CLK1: variants seen among roughly 807,000 people sequenced by gnomAD.
CLK1 encodes CDC like kinase 1.
In CLK1, 40 loss-of-function variants were observed where a neutral mutation model predicts 60.9. That is an observed-to-expected ratio of 0.66 (90% CI 0.51 to 0.86). CLK1 has a LOEUF of 0.86. CLK1 is among the 40% of genes least tolerant of loss of function. The pLI, the probability that CLK1 is intolerant of heterozygous loss-of-function variation, is 0.00. For missense variants in CLK1, 563 were observed against 606.1 expected (o/e 0.93, Z 0.75); for synonymous variants, 203 against 184.4 (o/e 1.10, Z -0.82).
chr2:200,861,999 C>G, intron 1 of CLK1, 137 bp from the exon 2 acceptor site: 1 of 673,326 alleles, frequency 1.5e-6, no homozygotes, highest in South Asian at 1.9e-5. Context: ...TCTGAAATCA[C>G]TGATAAATCC....
intron 9 of CLK1, among the ~76,000 whole-genome samples, chr2:200,855,362 G>A (rs1006365219): frequency 6.6e-6 from 1 of 151,698 alleles, no homozygotes; most frequent in Non-Finnish European, 1.5e-5. Flanking sequence ...TCACGCTACA[G>A]GCATAATCCC....
At chr2:200,860,474 C>T (rs2039118462) in intron 3 of CLK1, 6 of 1,203,362 alleles carry the variant, frequency 5.0e-6, no homozygotes, top group Non-Finnish European at 6.2e-6. Context: ...GGCAACAAAA[C>T]ATAATACAAT....
intron 5 of CLK1, chr2:200,858,312 C>T (rs1016301492): frequency 1.8e-6 from 1 of 547,928 alleles, no homozygotes; most frequent in Non-Finnish European, 3.3e-6. Context: ...CAACTTCTTC[C>T]TATATGGTAC....
chr2:200,861,737 C>T lies in CLK1; in HGVS notation c.126G>A (p.Lys42=), dbSNP rs367983388. The change falls in exon 2 of 13, where the codon AAG becomes AAA. Residue 42 remains lysine (K), a synonymous_variant. Coordinates refer to ENST00000321356, the MANE Select transcript of CLK1 (RefSeq NM_004071.4). Reference sequence around the variant, plus strand: ...TTTTAGAGTGATTGTATTTGCAGCGCTTGTTCTCCTGGGCACTGCTATGTG... The same window carrying T: ...TTTTAGAGTGATTGTATTTGCAGCGTTTGTTCTCCTGGGCACTGCTATGTG... ...KRSHSSAQEN[K]RCKYNHSKMC... 5 of 1,613,994 alleles carry T rather than the reference C, an allele frequency of 3.1e-6. No individual in the cohort carries two copies. The highest frequency in any genetic ancestry group is 2.7e-5 in the African/African-American group (2 of 74,924).
At position 200,861,130 on chromosome 2, in the gene CLK1, G is replaced by A. The variant is rs150702562; in HGVS notation, c.390+108C>T. On this transcript the variant is annotated intron_variant, in intron 3 of 12. Coordinates refer to ENST00000321356, the MANE Select transcript of CLK1 (RefSeq NM_004071.4). ...AGAAAAAATCCTGCAGGTTAAAACT[G>A]AGATGATTTCATCTTAAAACTTTCT... 2.6e-4 allele frequency: 390 copies of A among 1,513,138 alleles called. 4 individuals are homozygous for A. In the East Asian group the frequency reaches 8.6e-3, roughly 34 times the overall value. The allele number at this position is 1,513,138 out of a possible 1,614,324, so 93.7% of individuals were successfully genotyped here.
chr2:200,859,396 G>GA (rs1212906850), intron 5 of CLK1, among the ~76,000 whole-genome samples: 3 of 151,954 alleles, frequency 2.0e-5, no homozygotes, highest in Non-Finnish European at 2.9e-5. Context: ...TATGGTGGGG[G>GA]AAAAAAATAT....
At chr2:200,864,322 G>C in intron 1 of CLK1, 1 of 1,427,744 alleles carries the variant, frequency 7.0e-7, no homozygotes, top group Non-Finnish European at 9.2e-7. Context: ...GAAGCTCCAA[G>C]AGGGCGGCCG....
rs545702098 is a variant in CLK1 at position 200,854,905 on chromosome 2, CAATT to C, written c.1140+95_1140+98del. Reference sequence around the variant, plus strand: ...GAATTAGTTTATTTATGCTTATCTACAATTAATAGTCTATAATGGGGGAAGCAAA... The same window carrying C: ...GAATTAGTTTATTTATGCTTATCTACAATAGTCTATAATGGGGGAAGCAAA... On this transcript the variant is annotated intron_variant, in intron 10 of 12. Coordinates refer to ENST00000321356, the MANE Select transcript of CLK1 (RefSeq NM_004071.4). 57 of 904,762 alleles carry C rather than the reference CAATT, an allele frequency of 6.3e-5. No homozygotes were observed. The African/African-American group carries it at 6.6e-4, about 10-fold the overall frequency. 56.0% of individuals were successfully genotyped at this position (904,762 alleles called of 1,614,324 possible). A position where few individuals can be genotyped will look rare whatever the true frequency, so the allele number is the denominator to read the frequency against.
At chr2:200,860,600 A>T (rs2039121321) in intron 3 of CLK1, 1 of 999,258 alleles carries the variant, frequency 1.0e-6, no homozygotes. Context: ...TTTACTTGTC[A>T]AAGTAGGCGG....
intron 1 of CLK1, among the ~76,000 whole-genome samples, chr2:200,862,589 C>T (rs565203955): frequency 1.3e-5 from 2 of 152,340 alleles, no homozygotes; most frequent in East Asian, 3.9e-4. Context: ...CTTTTTCTGA[C>T]TCAGCCCGCC....
chr2:200,857,225 G>C, intron 7 of CLK1: 1 of 481,212 alleles, frequency 2.1e-6, no homozygotes, highest in Non-Finnish European at 3.8e-6. Flanking sequence ...AGAATCACTT[G>C]AACTGGGGAG....
rs756960566 is a variant in CLK1 at position 200,858,071 on chromosome 2, T to G, written c.567A>C (p.Ala189=). The change falls in exon 6 of 13, where the codon GCA becomes GCC. Residue 189 remains alanine (A), a synonymous_variant. Transcript: ENST00000321356. The part of the protein sequence containing the change: ...IDHKAGGRHV[A]VKIVKNVDRY... ...TATCCACATTTTTAACTATTTTTAC[T>G]GCTACATGTCTACCTCCCCTGTTAG... The G allele has an allele frequency of 1.2e-6, 2 of 1,611,772 alleles. No individual in the cohort carries two copies. Among genetic ancestry groups the G allele is most frequent in the East Asian group, 2.2e-5 (1 of 44,860 alleles).
At chr2:200,854,574 G>C (rs1445660886) in intron 11 of CLK1, 42 bp downstream of exon 11, 1 of 1,173,180 alleles carries the variant, frequency 8.5e-7, no homozygotes, top group Admixed American at 1.8e-5. Context: ...CAGCAGATGT[G>C]ATCAAATGAT....
chr2:200,856,915 G>A lies in CLK1; in HGVS notation c.903C>T (p.Tyr301=), dbSNP rs768274489. 4.3e-6 allele frequency: 7 copies of A among 1,614,160 alleles called. No individual in the cohort carries two copies. Among genetic ancestry groups the A allele is most frequent in the Non-Finnish European group, 3.4e-6 (4 of 1,179,984 alleles). The change falls in exon 8 of 13, where the codon TAC becomes TAT. Residue 301 remains tyrosine (Y), a synonymous_variant. Transcript: ENST00000321356. ...CTATTTTGGGATTATACGCCTCTGT[G>A]TAGTCAGACTGCACAAATAAGATGT... ...PENILFVQSD[Y]TEAYNPKIKR... is the part of the protein sequence containing the mutation.
rs6761206 is a variant in CLK1, at chr2:200,857,007, C to T, written c.833-22G>A. The T allele has an allele frequency of 3.7e-3, 5,852 of 1,596,764 alleles. 189 individuals are homozygous for T. The African/African-American group carries it at 0.069, about 19-fold the overall frequency. On this transcript the variant is annotated intron_variant, in intron 7 of 12. Coordinates refer to ENST00000321356, the MANE Select transcript of CLK1 (RefSeq NM_004071.4). The stretch of plus-strand genomic sequence containing the variant: ...AAAACTGAGAATAAAGAGAAAGTTG[C>T]TGTAATCAGAAAACACCAAACCAAA...
chr2:200,860,571 A>G, intron 3 of CLK1: 2 of 1,018,472 alleles, frequency 2.0e-6, no homozygotes, highest in Non-Finnish European at 2.3e-6. Flanking sequence ...TTAATGTTGC[A>G]AAATCGTATG....
At chr2:200,858,239 T>C (rs1358321206) in intron 5 of CLK1, 150 bp from the exon 6 acceptor site, 2 of 648,160 alleles carry the variant, frequency 3.1e-6, no homozygotes, top group Admixed American at 5.1e-5. Flanking sequence ...ACATGCTGAA[T>C]GACACAAATT....
chr2:200,858,090 C>A lies in CLK1; in HGVS notation c.549-1G>T. 6.3e-7 allele frequency: 1 copy of A among 1,591,644 alleles called. No individual in the cohort carries two copies. The highest frequency in any genetic ancestry group is 8.6e-7 in the Non-Finnish European group (1 of 1,159,536). On this transcript the variant is annotated splice_acceptor_variant, in intron 5 of 12. Transcript: ENST00000321356. LOFTEE classifies it high-confidence loss of function. ...TTTTACTGCTACATGTCTACCTCCC[C>A]TGTTAGAAAGATGCATGCAAATTTA... is the stretch of plus-strand genomic sequence containing the variant.
At chr2:200,856,625 A>C in intron 9 of CLK1, 57 bp downstream of exon 9, 4 of 1,487,402 alleles carry the variant, frequency 2.7e-6, no homozygotes, top group Non-Finnish European at 3.6e-6. Flanking sequence ...ACTGCTAAAA[A>C]AATTTTAAGT....
Sources: gnomAD v4.1 joint callset for allele counts (sites outside exome capture counted in the v4.1 genomes callset) on GRCh38, gnomAD v4.1.1 for gene constraint, MANE v1.5 for transcripts, NCBI Gene and HGNC (gene_info 2026-07-23, HGNC 2026-07-21) for gene names.